The following DNAAF9 variants were observed in gnomAD, a reference collection of about 807,000 sequenced individuals.
The protein encoded by DNAAF9 is shulin.
A neutral mutation model predicts 167.0 loss-of-function variants in DNAAF9; 90 were observed. The observed-to-expected ratio is 0.54, with a 90% CI of 0.45 to 0.64. DNAAF9 has a LOEUF of 0.64. Ranked by LOEUF, DNAAF9 falls within the 30% of genes least tolerant of loss-of-function variation. The probability of loss-of-function intolerance (pLI) is 0.00; values close to 1 mark genes in which losing one functional copy is unlikely to be tolerated. For synonymous variants in DNAAF9, 491 were observed against 508.8 expected (o/e 0.96, Z 0.47); for missense variants, 1,315 against 1,442.2 (o/e 0.91, Z 1.43).
chr20:3,339,174 C>T (rs1456246641), intron 10 of DNAAF9, among the ~76,000 whole-genome samples: 1 of 152,216 alleles, frequency 6.6e-6, no homozygotes, highest in Non-Finnish European at 1.5e-5. Flanking sequence ...CCTGTTTACA[C>T]TATTCATCTC....
rs878874345 is a variant in DNAAF9 at position 3,252,312 on chromosome 20, G to A, written c.*260C>T. On this transcript the variant is annotated 3_prime_UTR_variant, in exon 37 of 37. Coordinates refer to ENST00000252032, the MANE Select transcript of DNAAF9 (RefSeq NM_001009984.3). ...ATCAGAAACCCAGAGCTCCTGGACT[G>A]CCAGTTGCACACGTAGACGGGCAGG... 2.9e-6 allele frequency: 1 copy of A among 345,058 alleles called. No individual in the cohort carries two copies. Among genetic ancestry groups the A allele is most frequent in the Non-Finnish European group, 5.4e-6 (1 of 185,916 alleles). The allele number at this position is 345,058 out of a possible 1,614,324, so 21.4% of individuals were successfully genotyped here.
intron 1 of DNAAF9, among the ~76,000 whole-genome samples, chr20:3,392,126 C>T (rs1185281494): frequency 6.6e-6 from 1 of 152,090 alleles, no homozygotes; most frequent in Non-Finnish European, 1.5e-5. Context: ...TTGATTGCAC[C>T]ACTGCACTCA....
At chr20:3,395,175 G>A (rs1405927448) in intron 1 of DNAAF9, among the ~76,000 whole-genome samples, 3 of 148,416 alleles carry the variant, frequency 2.0e-5, no homozygotes, top group African/African-American at 5.1e-5. Flanking sequence ...GTTTCACCGT[G>A]TTAGCCAGGA....
At position 3,315,676 on chromosome 20, in the gene DNAAF9, G is replaced by A. The variant is rs916536392; in HGVS notation, c.1590+59C>T. 2 of 1,295,040 alleles carry A rather than the reference G, an allele frequency of 1.5e-6. No homozygotes were observed. The highest frequency in any genetic ancestry group is 1.7e-5 in the Admixed American group (1 of 59,552). The allele number at this position is 1,295,040 out of a possible 1,614,324, so 80.2% of individuals were successfully genotyped here. A position where few individuals can be genotyped will look rare whatever the true frequency, so the allele number is the denominator to read the frequency against. ...AGATGAAGCATTTTAATACCTTTATGAATTGCTTACATTATTTTTTGATAT... is the reference window on the plus strand; with the variant it reads ...AGATGAAGCATTTTAATACCTTTATAAATTGCTTACATTATTTTTTGATAT... On this transcript the variant is annotated intron_variant, in intron 19 of 36. Coordinates refer to ENST00000252032, the MANE Select transcript of DNAAF9 (RefSeq NM_001009984.3). The surrounding 1 kb of genome is among the most constrained non-coding windows in gnomAD (Gnocchi z 4.1).
At chr20:3,354,194 A>T (rs2083255027) in intron 7 of DNAAF9, among the ~76,000 whole-genome samples, 1 of 152,250 alleles carries the variant, frequency 6.6e-6, no homozygotes, top group South Asian at 2.1e-4. Context: ...TAGACAAAAG[A>T]TACCTAGAAC....
chr20:3,311,734 A>T (rs1163436712), intron 20 of DNAAF9, among the ~76,000 whole-genome samples: 2 of 152,230 alleles, frequency 1.3e-5, no homozygotes, highest in African/African-American at 4.8e-5. Context: ...ATTAAGTTCA[A>T]AATAAGATAT....
intron 10 of DNAAF9, among the ~76,000 whole-genome samples, chr20:3,338,272 C>T (rs1198509955): frequency 6.6e-6 from 1 of 151,966 alleles, no homozygotes; most frequent in Non-Finnish European, 1.5e-5. Flanking sequence ...CTTTTTCATT[C>T]AACACTTTAA....
chr20:3,296,609 G>A (rs1222408947), intron 23 of DNAAF9: 1 of 455,394 alleles, frequency 2.2e-6, no homozygotes, highest in Non-Finnish European at 3.9e-6. Context: ...TCTAATTCTT[G>A]TGCTCAATTC....
chr20:3,268,892 T>C (rs2068536028), intron 30 of DNAAF9, among the ~76,000 whole-genome samples: 1 of 139,218 alleles, frequency 7.2e-6, no homozygotes, highest in Admixed American at 7.9e-5. Flanking sequence ...AATATCTCTA[T>C]GTTACTTTTT....
intron 35 of DNAAF9, among the ~76,000 whole-genome samples, chr20:3,254,220 A>G (rs2122721737): frequency 6.6e-6 from 1 of 152,268 alleles, no homozygotes; most frequent in African/African-American, 2.4e-5. Context: ...CTGGGATTAC[A>G]GGCATGCGCC....
intron 20 of DNAAF9, among the ~76,000 whole-genome samples, chr20:3,309,653 A>G (rs1210310799): frequency 2.6e-5 from 4 of 152,356 alleles, no homozygotes; most frequent in Admixed American, 1.3e-4. Flanking sequence ...CTTCTATCTC[A>G]TATCACTTTC....
chr20:3,343,030 T>G (rs1361241561), intron 9 of DNAAF9, among the ~76,000 whole-genome samples: 1 of 150,008 alleles, frequency 6.7e-6, no homozygotes, highest in Non-Finnish European at 1.5e-5. Flanking sequence ...CTCTGATGAT[T>G]ATTTCTATTG....
At chr20:3,293,633 C>T (rs936134779) in intron 25 of DNAAF9, among the ~76,000 whole-genome samples, 2 of 137,932 alleles carry the variant, frequency 1.4e-5, no homozygotes, top group Non-Finnish European at 3.0e-5. Flanking sequence ...TGCAGTGAGC[C>T]GAGATCACGC....
intron 14 of DNAAF9, among the ~76,000 whole-genome samples, chr20:3,323,857 T>C (rs6139075): frequency 6.6e-6 from 1 of 152,338 alleles, no homozygotes; most frequent in East Asian, 1.9e-4. Flanking sequence ...AACATCTATG[T>C]GCCCAACTGC....
At chr20:3,316,594 C>A in intron 18 of DNAAF9, 129 bp downstream of exon 18, 1 of 581,164 alleles carries the variant, frequency 1.7e-6, no homozygotes, top group South Asian at 2.4e-5. Context: ...ATCAAAAATT[C>A]CATTCCTGAA....
chr20:3,255,110 C>T, intron 35 of DNAAF9, 109 bp downstream of exon 35: 1 of 677,520 alleles, frequency 1.5e-6, no homozygotes, highest in South Asian at 1.8e-5. Flanking sequence ...GCAAGACCTC[C>T]AGCATGTCCT....
At chr20:3,322,797 G>T in intron 14 of DNAAF9, 101 bp from the exon 15 acceptor site, 1 of 843,864 alleles carries the variant, frequency 1.2e-6, no homozygotes, top group Non-Finnish European at 2.1e-6. Context: ...ACACAGTGAG[G>T]TGTGTGTCAT....
intron 7 of DNAAF9, among the ~76,000 whole-genome samples, chr20:3,350,668 T>C (rs1392827928): frequency 6.6e-6 from 1 of 152,100 alleles, no homozygotes; most frequent in African/African-American, 2.4e-5. Context: ...AGACAGGAAA[T>C]GTAAAGATAA....
chr20:3,286,861 GCTT>G (rs1568578993), intron 27 of DNAAF9, among the ~76,000 whole-genome samples: 1 of 152,178 alleles, frequency 6.6e-6, no homozygotes. Flanking sequence ...ACTACCAAAA[GCTT>G]CTTTATTACC....
Sources: gnomAD v4.1 joint callset for allele counts (sites outside exome capture counted in the v4.1 genomes callset) on GRCh38, gnomAD v4.1.1 for gene constraint, Gnocchi (gnomAD v3.1) non-coding constraint, MANE v1.5 for transcripts, NCBI Gene and HGNC (gene_info 2026-07-23, HGNC 2026-07-21) for gene names.